The following FOXP2 variants were observed in gnomAD, a reference collection of about 807,000 sequenced individuals.
FOXP2 encodes forkhead box P2, also known as forkhead box protein P2.
A neutral mutation model predicts 115.8 loss-of-function variants in FOXP2; 12 were observed. That is an observed-to-expected ratio of 0.10 (90% CI 0.07 to 0.17). The LOEUF (loss-of-function observed/expected upper bound fraction) is 0.17, where lower values mean the gene tolerates loss of function less well. FOXP2 is among the 10% of genes least tolerant of loss of function. The pLI is 1.00. For synonymous variants in FOXP2, 328 were observed against 297.7 expected, an observed-to-expected ratio of 1.10 and a Z score of -1.05; for missense variants, 629 against 843.5, an observed-to-expected ratio of 0.75 and a Z score of 3.15.
intron 2 of FOXP2, among the ~76,000 whole-genome samples, chr7:114,530,996 C>G (rs1347848092): frequency 6.6e-6 from 1 of 151,484 alleles, no homozygotes; most frequent in African/African-American, 2.4e-5. Context: ...TTTAAGATGT[C>G]TTACCTTAAT....
intron 3 of FOXP2, among the ~76,000 whole-genome samples, chr7:114,619,701 C>T (rs915998204): frequency 5.9e-5 from 9 of 151,726 alleles, no homozygotes; most frequent in Middle Eastern, 3.4e-3. Flanking sequence ...TATTCTTTTC[C>T]GATTTCTGTT....
At chr7:114,437,504 A>G (rs1396754025) in intron 2 of FOXP2, among the ~76,000 whole-genome samples, 1 of 152,190 alleles carries the variant, frequency 6.6e-6, no homozygotes, top group African/African-American at 2.4e-5. Flanking sequence ...AAGTCTTTCT[A>G]CCAGGCATCT....
chr7:114,458,225 T>C (rs1335337641), intron 2 of FOXP2, among the ~76,000 whole-genome samples: 1 of 152,184 alleles, frequency 6.6e-6, no homozygotes, highest in African/African-American at 2.4e-5. Flanking sequence ...TTGTTAATGG[T>C]GCAGTTATTA....
intron 2 of FOXP2, among the ~76,000 whole-genome samples, chr7:114,302,434 T>G (rs80241399): frequency 0.04 from 6,018 of 152,262 alleles, 296 homozygotes; most frequent in African/African-American, 0.12. Flanking sequence ...TAAAAAATAT[T>G]AAATCATTTA....
chr7:114,488,642 TA>T (rs1739951194), intron 2 of FOXP2, among the ~76,000 whole-genome samples: 1 of 152,112 alleles, frequency 6.6e-6, no homozygotes, highest in African/African-American at 2.4e-5. Flanking sequence ...TATTAAAAGT[TA>T]AAAATGAACA....
chr7:114,594,774 A>G (rs1370866445), intron 3 of FOXP2, among the ~76,000 whole-genome samples: 1 of 152,042 alleles, frequency 6.6e-6, no homozygotes, highest in African/African-American at 2.4e-5. Flanking sequence ...CACAACTGCT[A>G]TTAAAACATC....
intron 1 of FOXP2, among the ~76,000 whole-genome samples, chr7:114,286,721 G>A (rs1212603532): frequency 2.0e-5 from 3 of 151,970 alleles, no homozygotes; most frequent in African/African-American, 4.8e-5. Flanking sequence ...ATGACTTTGA[G>A]TTACCTTAAT....
intron 1 of FOXP2, among the ~76,000 whole-genome samples, chr7:114,233,144 G>T (rs1283236466): frequency 6.6e-6 from 1 of 152,130 alleles, no homozygotes; most frequent in Non-Finnish European, 1.5e-5. Context: ...TGTTAAAAGG[G>T]TAGATCTCAT....
intron 2 of FOXP2, among the ~76,000 whole-genome samples, chr7:114,485,992 A>G (rs1796756015): frequency 6.6e-6 from 1 of 152,198 alleles, no homozygotes; most frequent in African/African-American, 2.4e-5. Context: ...TACTACTACA[A>G]TAACTCTTGC....
intron 3 of FOXP2, among the ~76,000 whole-genome samples, chr7:114,608,995 T>C (rs1362156351): frequency 6.6e-6 from 1 of 152,018 alleles, no homozygotes; most frequent in Admixed American, 6.6e-5. Flanking sequence ...GGTCAGGGTT[T>C]CGAGACCAGC....
At chr7:114,104,865 TATC>T (rs1424138196) in intron 1 of FOXP2, among the ~76,000 whole-genome samples, 14 of 152,174 alleles carry the variant, frequency 9.2e-5, no homozygotes, top group African/African-American at 1.7e-4. Flanking sequence ...TGTAAAATGT[TATC>T]ATGATGCTGA....
intron 3 of FOXP2, among the ~76,000 whole-genome samples, chr7:114,563,326 C>T (rs1800845652): frequency 6.6e-6 from 1 of 152,156 alleles, no homozygotes; most frequent in African/African-American, 2.4e-5. Context: ...CCTGTCAAAA[C>T]ATTTGAGACT....
At chr7:114,605,177 T>A (rs1305483835) in intron 3 of FOXP2, among the ~76,000 whole-genome samples, 1 of 152,144 alleles carries the variant, frequency 6.6e-6, no homozygotes, top group African/African-American at 2.4e-5. Flanking sequence ...GAAACTCACA[T>A]TTACATGTTT....
chr7:114,170,818 C>T (rs1793117337), intron 1 of FOXP2, among the ~76,000 whole-genome samples: 1 of 152,174 alleles, frequency 6.6e-6, no homozygotes, highest in South Asian at 2.1e-4. Flanking sequence ...AAGCCAACTT[C>T]ATAAAGTTTG....
intron 16 of FOXP2, among the ~76,000 whole-genome samples, chr7:114,678,547 C>CTTTTTTTTTTTT (rs35525759): frequency 6.2e-5 from 3 of 48,388 alleles, no homozygotes; most frequent in South Asian, 9.9e-4. Context: ...ATAAGTGACT[C>CTTTTTTTTTTTT]TTTTTTTTTT....
At chr7:114,557,244 G>A (rs1416504332) in intron 3 of FOXP2, among the ~76,000 whole-genome samples, 1 of 152,104 alleles carries the variant, frequency 6.6e-6, no homozygotes, top group South Asian at 2.1e-4. Context: ...ATTGGAAGCT[G>A]GTTTAATATG....
At chr7:114,211,785 T>A (rs1794357602) in intron 1 of FOXP2, among the ~76,000 whole-genome samples, 1 of 152,142 alleles carries the variant, frequency 6.6e-6, no homozygotes. Flanking sequence ...AAATATAATT[T>A]GTTTCTGCCG....
intron 2 of FOXP2, among the ~76,000 whole-genome samples, chr7:114,330,109 A>G (rs1372700317): frequency 2.6e-5 from 4 of 151,664 alleles, no homozygotes; most frequent in African/African-American, 9.7e-5. Context: ...AAGTCTGTGG[A>G]TTTTTTTTCC....
At chr7:114,260,913 G>A (rs779148270) in intron 1 of FOXP2, among the ~76,000 whole-genome samples, 5 of 152,086 alleles carry the variant, frequency 3.3e-5, no homozygotes, top group African/African-American at 4.8e-5. Context: ...GGTGGAAGAA[G>A]AGCTGCATAT....
Sources: allele counts gnomAD v4.1 joint callset (sites outside exome capture counted in the v4.1 genomes callset), GRCh38; gene constraint gnomAD v4.1.1; transcripts MANE v1.5; gene names NCBI Gene and HGNC (gene_info 2026-07-23, HGNC 2026-07-21).